BCAS4: variants seen among roughly 807,000 people sequenced by gnomAD.
The protein encoded by BCAS4 is breast carcinoma amplified sequence 4.
Under a neutral mutation model 15.7 loss-of-function variants are expected in BCAS4, and 9 were observed. That is an observed-to-expected ratio of 0.57 (90% confidence interval 0.34 to 1.00). The LOEUF (loss-of-function observed/expected upper bound fraction) is 1.00, where lower values mean the gene tolerates loss of function less well. Ranked by LOEUF, BCAS4 falls within the 50% of genes least tolerant of loss-of-function variation. The probability of loss-of-function intolerance (pLI) is 0.02; values close to 1 mark genes in which losing one functional copy is unlikely to be tolerated. For synonymous variants in BCAS4, 101 were observed against 99.5 expected, an observed-to-expected ratio of 1.02 and a Z score of -0.09; for missense variants, 225 against 239.1, an observed-to-expected ratio of 0.94 and a Z score of 0.39.
At chr20:50,862,118 CCT>C (rs746051687) in intron 4 of BCAS4, among the ~76,000 whole-genome samples, 253 of 151,630 alleles carry the variant, frequency 1.7e-3, no homozygotes, top group Non-Finnish European at 3.0e-3. Flanking sequence ...CCCGCCTTGG[CCT>C]CTCTCTCTCT....
intron 4 of BCAS4, among the ~76,000 whole-genome samples, chr20:50,848,552 C>A (rs1315812154): frequency 1.3e-5 from 2 of 152,156 alleles, no homozygotes; most frequent in Non-Finnish European, 2.9e-5. Context: ...GGTCTCAAGG[C>A]CACACAGAGG....
chr20:50,796,478 TATATATA>T (rs1398120938), intron 1 of BCAS4, among the ~76,000 whole-genome samples: 18 of 14,618 alleles, frequency 1.2e-3, no homozygotes, highest in African/African-American at 2.6e-3. Context: ...TATATATATA[TATATATA>T]TATTTTTTTT....
In BCAS4 at chr20:50,813,674, C is replaced by CTTTTTTTTT. The variant is rs965295871; in HGVS notation, c.91-4520_91-4512dup. Among the ~76,000 whole-genome samples, 8 of 82,386 alleles carry CTTTTTTTTT rather than the reference C, an allele frequency of 9.7e-5. 1 individual carries two copies. Among genetic ancestry groups the CTTTTTTTTT allele is most frequent in the African/African-American group, 2.9e-4 (5 of 17,478 alleles). 54.0% of individuals were successfully genotyped at this position (82,386 alleles called of 152,430 possible). ...TTAGAGAAGATCATGGGTGGAGGAC[C>CTTTTTTTTT]TTTTTTTTTTTTTTTTTTTTTTTTT... On this transcript the variant is annotated intron_variant, in intron 1 of 4. Coordinates refer to ENST00000371608, the MANE Select transcript of BCAS4 (RefSeq NM_198799.4).
At chr20:50,875,603 A>G (rs1450433927) in intron 4 of BCAS4, among the ~76,000 whole-genome samples, 1 of 45,536 alleles carries the variant, frequency 2.2e-5, no homozygotes, top group African/African-American at 1.7e-4. Flanking sequence ...CATCTCTACT[A>G]AAAAAAAAAA....
intron 2 of BCAS4, among the ~76,000 whole-genome samples, chr20:50,827,591 G>T (rs2088292247): frequency 6.6e-6 from 1 of 152,158 alleles, no homozygotes; most frequent in Non-Finnish European, 1.5e-5. Context: ...ACTCTTGCAG[G>T]TTGGCTTCTG....
chr20:50,845,153 T>C (rs1279390470), intron 4 of BCAS4, among the ~76,000 whole-genome samples: 1 of 151,918 alleles, frequency 6.6e-6, no homozygotes, highest in Non-Finnish European at 1.5e-5. Flanking sequence ...GGAAACCGAG[T>C]CACTGAGGGG....
intron 4 of BCAS4, among the ~76,000 whole-genome samples, chr20:50,875,602 T>TAAAA (rs3971637): frequency 8.0e-5 from 8 of 100,536 alleles, no homozygotes; most frequent in Non-Finnish European, 1.3e-4. Flanking sequence ...TCATCTCTAC[T>TAAAA]AAAAAAAAAA....
chr20:50,816,890 C>T (rs1443120682), intron 1 of BCAS4, among the ~76,000 whole-genome samples: 5 of 149,782 alleles, frequency 3.3e-5, no homozygotes, highest in East Asian at 3.9e-4. Flanking sequence ...CTGCAGCCTC[C>T]GCCTCCCGGG....
chr20:50,845,767 G>A (rs1210000792), intron 4 of BCAS4, among the ~76,000 whole-genome samples: 1 of 152,260 alleles, frequency 6.6e-6, no homozygotes, highest in Non-Finnish European at 1.5e-5. Context: ...GGTCCATGGA[G>A]TGGAGAGGGC....
intron 2 of BCAS4, among the ~76,000 whole-genome samples, chr20:50,819,224 G>A (rs1345849185): frequency 2.0e-5 from 3 of 152,068 alleles, no homozygotes; most frequent in African/African-American, 7.2e-5. Flanking sequence ...CTAGATCCCA[G>A]TGTTCCTAGG....
intron 3 of BCAS4, chr20:50,840,975 A>C: frequency 2.1e-6 from 1 of 477,102 alleles, no homozygotes; most frequent in Non-Finnish European, 3.8e-6. Context: ...GATTACGGGC[A>C]TGTGCCACCA....
intron 4 of BCAS4, among the ~76,000 whole-genome samples, chr20:50,848,467 G>A (rs764631500): frequency 6.6e-6 from 1 of 152,222 alleles, no homozygotes; most frequent in African/African-American, 2.4e-5. Flanking sequence ...CTAGTCCAGC[G>A]TGGGCTGCCT....
At chr20:50,824,819 A>C (rs951794108) in intron 2 of BCAS4, among the ~76,000 whole-genome samples, 6 of 152,210 alleles carry the variant, frequency 3.9e-5, no homozygotes, top group African/African-American at 1.4e-4. Flanking sequence ...CAGTGTGTCC[A>C]GGTCTCCTGA....
intron 4 of BCAS4, among the ~76,000 whole-genome samples, chr20:50,872,578 GAAC>G (rs201967084): frequency 0.045 from 4,643 of 102,326 alleles, 121 homozygotes; most frequent in African/African-American, 0.18. Flanking sequence ...CTCAAAAAAG[GAAC>G]AAAAAAAAAA....
At chr20:50,830,755 T>G (rs962251738) in intron 3 of BCAS4, among the ~76,000 whole-genome samples, 4 of 151,748 alleles carry the variant, frequency 2.6e-5, no homozygotes, top group African/African-American at 9.7e-5. Flanking sequence ...GAGGCTGAGG[T>G]AGGAGGATGG....
At chr20:50,839,577 A>G (rs1161362211) in intron 3 of BCAS4, among the ~76,000 whole-genome samples, 1 of 152,160 alleles carries the variant, frequency 6.6e-6, no homozygotes, top group East Asian at 1.9e-4. Context: ...ATCTCAGCTC[A>G]CTGCAACCTC....
At chr20:50,862,780 A>G (rs1270743891) in intron 4 of BCAS4, among the ~76,000 whole-genome samples, 1 of 152,068 alleles carries the variant, frequency 6.6e-6, no homozygotes, top group Non-Finnish European at 1.5e-5. Context: ...GGCCTGGAGG[A>G]GGCATCTGAG....
intron 4 of BCAS4, among the ~76,000 whole-genome samples, chr20:50,866,370 G>C (rs1203984184): frequency 6.6e-6 from 1 of 152,230 alleles, no homozygotes; most frequent in Non-Finnish European, 1.5e-5. Flanking sequence ...ATGCCCATAG[G>C]GCTTCACAGG....
At chr20:50,862,280 C>T (rs1036581478) in intron 4 of BCAS4, among the ~76,000 whole-genome samples, 9 of 152,078 alleles carry the variant, frequency 5.9e-5, no homozygotes, top group South Asian at 4.1e-4. Flanking sequence ...TTTCTCAAGC[C>T]GCCTTTTGTT....
Sources: allele counts gnomAD v4.1 joint callset (sites outside exome capture counted in the v4.1 genomes callset), GRCh38; gene constraint gnomAD v4.1.1; transcripts MANE v1.5; gene names NCBI Gene and HGNC (gene_info 2026-07-23, HGNC 2026-07-21).